SGCZ: variants seen among roughly 807,000 people sequenced by gnomAD.
SGCZ encodes zeta-sarcoglycan.
SGCZ carries 40 observed loss-of-function variants against 41.3 expected under a neutral mutation model. The ratio of observed to expected loss-of-function variants is 0.97; its 90% CI spans 0.75 to 1.26. The LOEUF (loss-of-function observed/expected upper bound fraction) is 1.26. Among genes scored for constraint, SGCZ ranks in the 50% most tolerant of loss-of-function variants. The pLI, the probability that SGCZ is intolerant of heterozygous loss-of-function variation, is 0.00. For missense variants in SGCZ, 552 were observed against 369.8 expected (o/e 1.49, Z -4.04); for synonymous variants, 206 against 137.5 (o/e 1.50, Z -3.49).
intron 1 of SGCZ, among the ~76,000 whole-genome samples, chr8:14,658,369 G>C (rs1009384987): frequency 1.3e-5 from 2 of 152,132 alleles, no homozygotes; most frequent in Non-Finnish European, 2.9e-5. Context: ...CCCTTTCATA[G>C]TTTTTTCAGC....
At chr8:14,440,685 ATACACGTATATGTATATATG>A (rs879789200) in intron 2 of SGCZ, among the ~76,000 whole-genome samples, 32,625 of 116,222 alleles carry the variant, frequency 0.28, 5,282 homozygotes, top group Admixed American at 0.34. Context: ...ATACATACGT[ATACACGTATATGTATATATG>A]TATATACATA....
chr8:14,494,929 A>G (rs1316979753), intron 2 of SGCZ, among the ~76,000 whole-genome samples: 1 of 152,190 alleles, frequency 6.6e-6, no homozygotes, highest in Admixed American at 6.5e-5. Context: ...GCTGCCCTAA[A>G]TATTGTTCCT....
chr8:14,261,004 G>A (rs1195272595), intron 3 of SGCZ, among the ~76,000 whole-genome samples: 2 of 152,082 alleles, frequency 1.3e-5, no homozygotes, highest in Non-Finnish European at 1.5e-5. Flanking sequence ...GCTAGATGAC[G>A]AGTTAGTGGG....
At position 14,407,065 on chromosome 8, in the gene SGCZ, CTTTT is replaced by C. The variant is rs67046431; in HGVS notation, c.235-82865_235-82862del. 3.0e-3 allele frequency among the ~76,000 whole-genome samples: 258 copies of C among 87,176 alleles called. 5 individuals are homozygous for C. The highest frequency in any genetic ancestry group is 0.021 in the Middle Eastern group (3 of 144). 57.2% of individuals were successfully genotyped at this position (87,176 alleles called of 152,430 possible). A position where few individuals can be genotyped will look rare whatever the true frequency, so the allele number is the denominator to read the frequency against. On this transcript the variant is annotated intron_variant, in intron 2 of 7. Coordinates refer to ENST00000382080, the MANE Select transcript of SGCZ (RefSeq NM_139167.4). ...CAAATTCTATAAGTTATGAGTTTTCCTTTTTTTTTTTTTTTTTTTTTTGAGATGG... is the reference window on the plus strand; with the variant it reads ...CAAATTCTATAAGTTATGAGTTTTCCTTTTTTTTTTTTTTTTTTGAGATGG...
chr8:14,891,831 C>T (rs777623525), intron 1 of SGCZ, among the ~76,000 whole-genome samples: 5 of 152,174 alleles, frequency 3.3e-5, no homozygotes, highest in South Asian at 2.1e-4. Flanking sequence ...CATCAGTCAG[C>T]ATCTTAACAT....
chr8:15,118,674 T>C (rs190100544), intron 1 of SGCZ, among the ~76,000 whole-genome samples: 3 of 152,088 alleles, frequency 2.0e-5, no homozygotes. Context: ...TGATCAGGAG[T>C]AGCTTAGACT....
chr8:14,121,210 AATTAAATTAC>A (rs1178259504), intron 5 of SGCZ, among the ~76,000 whole-genome samples: 1 of 151,982 alleles, frequency 6.6e-6, no homozygotes, highest in Admixed American at 6.5e-5. Flanking sequence ...TTCAACATTC[AATTAAATTAC>A]ATTAAATATA....
At chr8:14,656,601 C>G (rs1174750946) in intron 1 of SGCZ, among the ~76,000 whole-genome samples, 1 of 99,816 alleles carries the variant, frequency 1.0e-5, no homozygotes, top group Non-Finnish European at 2.4e-5. Context: ...CTCTCCTCTC[C>G]TCTCCCTCTC....
chr8:14,723,905 C>G (rs565222916), intron 1 of SGCZ, among the ~76,000 whole-genome samples: 4 of 152,106 alleles, frequency 2.6e-5, no homozygotes, highest in African/African-American at 9.6e-5. Context: ...ACCTTCATTG[C>G]CTTTATAGCA....
At chr8:14,286,074 G>GTGTTTTTT (rs781017987) in intron 3 of SGCZ, among the ~76,000 whole-genome samples, 1 of 150,548 alleles carries the variant, frequency 6.6e-6, no homozygotes. Flanking sequence ...TGCAGTCAAT[G>GTGTTTTTT]TATTTTGTTT....
At chr8:14,720,401 G>A (rs192090759) in intron 1 of SGCZ, among the ~76,000 whole-genome samples, 1 of 152,066 alleles carries the variant, frequency 6.6e-6, no homozygotes, top group African/African-American at 2.4e-5. Context: ...AATAACTACT[G>A]TAAACAAATT....
At chr8:14,119,124 T>G (rs546700843) in intron 5 of SGCZ, among the ~76,000 whole-genome samples, 3 of 152,184 alleles carry the variant, frequency 2.0e-5, no homozygotes, top group East Asian at 3.9e-4. Flanking sequence ...TTGATGGGGA[T>G]AGCATTGAAT....
At chr8:14,266,616 C>G (rs564361973) in intron 3 of SGCZ, among the ~76,000 whole-genome samples, 3 of 152,094 alleles carry the variant, frequency 2.0e-5, no homozygotes, top group Middle Eastern at 6.8e-3. Context: ...CATAAGATCA[C>G]GATGTGAAAA....
intron 1 of SGCZ, among the ~76,000 whole-genome samples, chr8:15,203,903 G>A (rs535137390): frequency 8.5e-5 from 13 of 152,204 alleles, no homozygotes; most frequent in South Asian, 4.2e-4. Flanking sequence ...TACTTTATGT[G>A]TTATATAGCT....
At chr8:14,423,427 T>A (rs1799689828) in intron 2 of SGCZ, among the ~76,000 whole-genome samples, 1 of 152,166 alleles carries the variant, frequency 6.6e-6, no homozygotes, top group South Asian at 2.1e-4. Flanking sequence ...ATAATTATTA[T>A]TTTTTTAAGA....
intron 1 of SGCZ, among the ~76,000 whole-genome samples, chr8:14,665,639 T>A (rs1444280276): frequency 6.6e-6 from 1 of 152,290 alleles, no homozygotes; most frequent in African/African-American, 2.4e-5. Context: ...TAAAAAGTAA[T>A]CCTTTCCTTG....
intron 2 of SGCZ, among the ~76,000 whole-genome samples, chr8:14,487,165 T>C (rs756902786): frequency 1.3e-5 from 2 of 152,176 alleles, no homozygotes; most frequent in African/African-American, 2.4e-5. Flanking sequence ...TTTCCTTAGC[T>C]GTATGATCAT....
At chr8:14,879,469 T>G (rs1434311284) in intron 1 of SGCZ, among the ~76,000 whole-genome samples, 12 of 152,118 alleles carry the variant, frequency 7.9e-5, no homozygotes, top group Non-Finnish European at 1.8e-4. Flanking sequence ...TTTTTGAATA[T>G]TTTAAAATTG....
chr8:15,059,570 A>C (rs760606362), intron 1 of SGCZ, among the ~76,000 whole-genome samples: 2 of 152,372 alleles, frequency 1.3e-5, no homozygotes, highest in Non-Finnish European at 2.9e-5. Context: ...TTGCAAAGTT[A>C]TAAGAATGTA....
Sources: allele counts gnomAD v4.1 joint callset (sites outside exome capture counted in the v4.1 genomes callset), GRCh38; gene constraint gnomAD v4.1.1; transcripts MANE v1.5; gene names NCBI Gene and HGNC (gene_info 2026-07-23, HGNC 2026-07-21).